Variants in KIF26B observed in about 807,000 individuals in gnomAD.
KIF26B encodes kinesin family member 26B.
KIF26B carries 63 observed loss-of-function variants against 151.2 expected under a neutral mutation model. That is an observed-to-expected ratio of 0.42 (90% CI 0.34 to 0.51). KIF26B has a LOEUF of 0.51. Among genes scored for constraint, KIF26B ranks in the 20% least tolerant of loss-of-function variants. KIF26B has a pLI of 0.07. For synonymous variants in KIF26B, 1,357 were observed against 1,262.1 expected, an observed-to-expected ratio of 1.08 and a Z score of -1.59; for missense variants, 2,813 against 2,913.6, an observed-to-expected ratio of 0.97 and a Z score of 0.79.
intron 2 of KIF26B, among the ~76,000 whole-genome samples, chr1:245,279,759 T>C (rs1671005910): frequency 6.6e-6 from 1 of 152,106 alleles, no homozygotes; most frequent in Non-Finnish European, 1.5e-5. Flanking sequence ...TTTTTTTAGC[T>C]TGTGCTAAAT....
chr1:245,287,492 C>CTTTTTTTTTTTTTTTT (rs1217976453), intron 2 of KIF26B, among the ~76,000 whole-genome samples: 1 of 136,550 alleles, frequency 7.3e-6, no homozygotes, highest in African/African-American at 2.8e-5. Flanking sequence ...TCTCATCTCT[C>CTTTTTTTTTTTTTTTT]TCTCTCTTTT....
chr1:245,503,259 T>C, intron 4 of KIF26B, among the ~76,000 whole-genome samples: 1 of 152,322 alleles, frequency 6.6e-6, no homozygotes, highest in Middle Eastern at 3.4e-3. Flanking sequence ...GGATAGCTAA[T>C]TAATATATAG....
At chr1:245,612,679 G>A (rs1268873433) in intron 9 of KIF26B, among the ~76,000 whole-genome samples, 5 of 152,190 alleles carry the variant, frequency 3.3e-5, no homozygotes, top group African/African-American at 1.2e-4. Flanking sequence ...CCGGCAGTGT[G>A]TTATCATCAT....
In KIF26B at chr1:245,167,186, G is replaced by GTT. The variant is rs3054247; in HGVS notation, c.465+10513_465+10514dup. 1.6e-4 allele frequency among the ~76,000 whole-genome samples: 22 copies of GTT among 139,682 alleles called. No individual in the cohort carries two copies. Among genetic ancestry groups the GTT allele is most frequent in the African/African-American group, 4.7e-4 (17 of 36,200 alleles). 91.6% of individuals were successfully genotyped at this position (139,682 alleles called of 152,430 possible). A position where few individuals can be genotyped will look rare whatever the true frequency, so the allele number is the denominator to read the frequency against. On this transcript the variant is annotated intron_variant, in intron 2 of 14. Coordinates refer to ENST00000407071, the MANE Select transcript of KIF26B (RefSeq NM_018012.4). The surrounding 1 kb of genome is among the most constrained non-coding windows in gnomAD (Gnocchi z 4.2). ...GTGTAAACTTTCTTTTTATATAATTGTTTTTTTTTTTGCTTGAAAGCATGA... is the reference window on the plus strand; with the variant it reads ...GTGTAAACTTTCTTTTTATATAATTGTTTTTTTTTTTTTGCTTGAAAGCATGA...
chr1:245,157,035 C>A (rs568064665), intron 2 of KIF26B, among the ~76,000 whole-genome samples: 1 of 152,326 alleles, frequency 6.6e-6, no homozygotes, highest in South Asian at 2.1e-4. Flanking sequence ...TCCCCACCCC[C>A]ACCTGTGATC....
intron 4 of KIF26B, among the ~76,000 whole-genome samples, chr1:245,470,789 A>T (rs1217760438): frequency 6.6e-6 from 1 of 152,098 alleles, no homozygotes; most frequent in Non-Finnish European, 1.5e-5. Context: ...CCATCGTGCT[A>T]GGCTTCGGAA....
chr1:245,579,278 A>G (rs928823022), intron 5 of KIF26B, among the ~76,000 whole-genome samples: 2 of 152,192 alleles, frequency 1.3e-5, no homozygotes, highest in African/African-American at 4.8e-5. Context: ...ACAAAGAAAA[A>G]TTAGTGTTTA....
At chr1:245,454,862 T>C (rs552249636) in intron 4 of KIF26B, among the ~76,000 whole-genome samples, 5 of 152,322 alleles carry the variant, frequency 3.3e-5, no homozygotes, top group Non-Finnish European at 5.9e-5. Context: ...CTGAGCTTTG[T>C]CTCCCAATGT....
intron 2 of KIF26B, among the ~76,000 whole-genome samples, chr1:245,177,866 C>T (rs1426138118): frequency 3.3e-5 from 5 of 151,930 alleles, no homozygotes; most frequent in Admixed American, 6.6e-5. Context: ...TGTTTTTAGC[C>T]GAGAAAATGA....
intron 10 of KIF26B, among the ~76,000 whole-genome samples, chr1:245,656,900 G>A (rs1004290607): frequency 3.3e-5 from 5 of 151,898 alleles, no homozygotes; most frequent in Non-Finnish European, 5.9e-5. Context: ...TTACATTTGT[G>A]GAGTAGTTAA....
chr1:245,254,925 AC>A (rs531039059), intron 2 of KIF26B, among the ~76,000 whole-genome samples: 7 of 152,158 alleles, frequency 4.6e-5, no homozygotes, highest in Non-Finnish European at 1.0e-4. Flanking sequence ...TTAAAAGTAA[AC>A]ATTCCCTCTG....
intron 2 of KIF26B, among the ~76,000 whole-genome samples, chr1:245,271,369 T>G (rs368131001): frequency 2.6e-5 from 4 of 152,206 alleles, no homozygotes; most frequent in African/African-American, 9.6e-5. Context: ...TTAACAATAT[T>G]AAGTCTTGTA....
rs371738424 is a variant in KIF26B at position 245,155,720 on chromosome 1, G to C, written c.63+233G>C. 4.8e-4 allele frequency among the ~76,000 whole-genome samples: 73 copies of C among 152,354 alleles called. No individual in the cohort carries two copies. In the East Asian group the frequency reaches 0.013, roughly 27 times the overall value. ...CTCGTTCCTTCCTTTCCACGCACCC[G>C]TAACTTTTGCCGCATTCCTGCACTT... is the stretch of plus-strand genomic sequence containing the variant. On this transcript the variant is annotated intron_variant, in intron 1 of 14. Transcript: ENST00000407071.
Position 245,375,603 on chromosome 1 carries a change from C to T in KIF26B, c.999+8236C>T, listed in dbSNP as rs1437350413. On this transcript the variant is annotated intron_variant, in intron 3 of 14. Coordinates refer to ENST00000407071, the MANE Select transcript of KIF26B (RefSeq NM_018012.4). This position sits in a 1 kb window ranked among gnomAD's most constrained non-coding sequence, Gnocchi z 4.2. ...CCTAGAGCCTCCAGAAGAAGCCAGC[C>T]CTGCAGGGCCATTTTTGAGTTCTGG... Among the ~76,000 whole-genome samples, 1 of 152,054 alleles carries T rather than the reference C, an allele frequency of 6.6e-6. No homozygotes were observed. The highest frequency in any genetic ancestry group is 1.5e-5 in the Non-Finnish European group (1 of 68,014).
At chr1:245,234,362 A>T (rs1670062056) in intron 2 of KIF26B, 1 of 152,258 alleles carries the variant, frequency 6.6e-6, no homozygotes, top group African/African-American at 2.4e-5. Context: ...TGTACCTCGC[A>T]CTCACACTCA....
intron 10 of KIF26B, among the ~76,000 whole-genome samples, chr1:245,678,562 C>T (rs1224512671): frequency 1.3e-5 from 2 of 151,944 alleles, no homozygotes; most frequent in Admixed American, 6.6e-5. Flanking sequence ...CAAGGTATTA[C>T]TGTAAAAAAA....
rs1308310244 is a variant in KIF26B at position 245,170,485 on chromosome 1, C to T, written c.465+13802C>T. The stretch of plus-strand genomic sequence containing the variant: ...AGAACCAAACATAGAGGGCAAATGT[C>T]TTAGCCAATTCATGCTGCTATAACA... On this transcript the variant is annotated intron_variant, in intron 2 of 14. Transcript: ENST00000407071. The surrounding 1 kb of genome is among the most constrained non-coding windows in gnomAD (Gnocchi z 4.4). Among the ~76,000 whole-genome samples, 1 of 152,146 alleles carries T rather than the reference C, an allele frequency of 6.6e-6. No homozygotes were observed. The highest frequency in any genetic ancestry group is 1.5e-5 in the Non-Finnish European group (1 of 68,028).
At chr1:245,522,121 G>T (rs568551576) in intron 4 of KIF26B, among the ~76,000 whole-genome samples, 11 of 152,176 alleles carry the variant, frequency 7.2e-5, no homozygotes, top group Non-Finnish European at 1.6e-4. Flanking sequence ...TGCCCGCCTT[G>T]GCCTCCCAAA....
chr1:245,173,498 C>T (rs74153106), intron 2 of KIF26B, among the ~76,000 whole-genome samples: 1 of 152,104 alleles, frequency 6.6e-6, no homozygotes, highest in Non-Finnish European at 1.5e-5. Context: ...AATCTGGCCA[C>T]CAGAGACTCC....
Sources: allele counts gnomAD v4.1 joint callset (sites outside exome capture counted in the v4.1 genomes callset), GRCh38; gene constraint gnomAD v4.1.1; non-coding constraint Gnocchi (gnomAD v3.1); transcripts MANE v1.5; gene names NCBI Gene and HGNC (gene_info 2026-07-23, HGNC 2026-07-21).